NAV3: variants seen among roughly 807,000 people sequenced by gnomAD.
NAV3 encodes the protein pore membrane and/or filament interacting like protein 1.
NAV3 carries 87 observed loss-of-function variants against 244.7 expected under a neutral mutation model. The ratio of observed to expected loss-of-function variants is 0.36; its 90% CI spans 0.30 to 0.42. NAV3 has a LOEUF of 0.42. Among genes scored for constraint, NAV3 ranks in the 20% least tolerant of loss-of-function variants. The pLI is 1.00. For missense variants in NAV3, 2,663 were observed against 2,893.3 expected, an observed-to-expected ratio of 0.92 and a Z score of 1.83; for synonymous variants, 1,126 against 1,042.2, an observed-to-expected ratio of 1.08 and a Z score of -1.55.
intron 2 of NAV3, among the ~76,000 whole-genome samples, chr12:77,578,225 AG>A (rs1304920139): frequency 2.0e-5 from 3 of 152,106 alleles, no homozygotes; most frequent in Non-Finnish European, 4.4e-5. Flanking sequence ...GGAGCTTATA[AG>A]AAATACAAAA....
intron 2 of NAV3, among the ~76,000 whole-genome samples, chr12:77,684,457 G>T (rs918354877): frequency 6.6e-6 from 1 of 151,936 alleles, no homozygotes; most frequent in African/African-American, 2.4e-5. Flanking sequence ...GGCAAGCAGT[G>T]TCCAAATCCT....
chr12:77,681,969 A>G (rs1565769807), intron 2 of NAV3, among the ~76,000 whole-genome samples: 1 of 152,172 alleles, frequency 6.6e-6, no homozygotes, highest in Non-Finnish European at 1.5e-5. Context: ...ATTATCTTGC[A>G]TGTTAATTTT....
chr12:77,762,809 ATGT>A (rs1186130836), intron 2 of NAV3, among the ~76,000 whole-genome samples: 1 of 151,888 alleles, frequency 6.6e-6, no homozygotes, highest in East Asian at 1.9e-4. Flanking sequence ...AAAGGTAGTA[ATGT>A]TGTTACTACT....
At chr12:78,141,761 C>T (rs770381284) in intron 20 of NAV3, among the ~76,000 whole-genome samples, 1 of 151,986 alleles carries the variant, frequency 6.6e-6, no homozygotes, top group African/African-American at 2.4e-5. Flanking sequence ...TGTGTAAACA[C>T]ACATGAAAAA....
intron 22 of NAV3, among the ~76,000 whole-genome samples, chr12:78,154,324 G>C (rs526127): frequency 0.33 from 43,680 of 131,310 alleles, 7,751 homozygotes; most frequent in East Asian, 0.47. Context: ...TATATATATA[G>C]TATATATTAT....
At chr12:77,633,049 G>A (rs990658412) in intron 2 of NAV3, among the ~76,000 whole-genome samples, 1 of 151,932 alleles carries the variant, frequency 6.6e-6, no homozygotes, top group Non-Finnish European at 1.5e-5. Context: ...ATGAAAAAAT[G>A]TTTCTATTAG....
chr12:77,746,299 A>C (rs907368121), intron 2 of NAV3, among the ~76,000 whole-genome samples: 7 of 152,088 alleles, frequency 4.6e-5, no homozygotes, highest in African/African-American at 1.4e-4. Flanking sequence ...CAATACACAA[A>C]TGTATTAACA....
intron 23 of NAV3, among the ~76,000 whole-genome samples, chr12:78,164,443 A>T (rs1367923278): frequency 1.3e-5 from 2 of 152,066 alleles, no homozygotes; most frequent in Non-Finnish European, 2.9e-5. Context: ...AATCTTTGAA[A>T]ATAGATAATG....
intron 1 of NAV3, among the ~76,000 whole-genome samples, chr12:77,875,984 A>T (rs1881794509): frequency 6.6e-6 from 1 of 152,056 alleles, no homozygotes; most frequent in African/African-American, 2.4e-5. Context: ...GGCATAGGAT[A>T]GATAGAATGA....
chr12:77,993,142 A>G (rs1442025083), intron 5 of NAV3, among the ~76,000 whole-genome samples: 3 of 152,172 alleles, frequency 2.0e-5, no homozygotes, highest in African/African-American at 7.2e-5. Flanking sequence ...CTGTGCTAAG[A>G]TTTATATTAT....
intron 20 of NAV3, among the ~76,000 whole-genome samples, chr12:78,143,024 T>A (rs1328011058): frequency 6.6e-6 from 1 of 152,044 alleles, no homozygotes; most frequent in East Asian, 1.9e-4. Context: ...TAATTGGCAA[T>A]GAGAAAATAC....
intron 1 of NAV3, among the ~76,000 whole-genome samples, chr12:77,839,721 T>G (rs1421256812): frequency 6.6e-6 from 1 of 152,116 alleles, no homozygotes; most frequent in Non-Finnish European, 1.5e-5. Flanking sequence ...TAATTGGTAG[T>G]GGAATAGAGG....
chr12:77,943,616 A>G (rs1168979381), intron 3 of NAV3, among the ~76,000 whole-genome samples: 2 of 152,252 alleles, frequency 1.3e-5, no homozygotes, highest in African/African-American at 4.8e-5. Context: ...TTATGATAGC[A>G]TGACTAGGCT....
intron 2 of NAV3, among the ~76,000 whole-genome samples, chr12:77,808,579 A>C (rs1872109946): frequency 1.3e-5 from 2 of 152,192 alleles, no homozygotes; most frequent in African/African-American, 4.8e-5. Context: ...GCCAGATGCC[A>C]GCCAGAGCTC....
intron 1 of NAV3, among the ~76,000 whole-genome samples, chr12:77,907,526 C>T (rs1254518487): frequency 1.3e-5 from 2 of 152,034 alleles, no homozygotes; most frequent in Non-Finnish European, 2.9e-5. Flanking sequence ...CTATCTCTAT[C>T]ACATGAATGG....
chr12:77,857,620 T>TTA lies in NAV3; in HGVS notation c.243+25928_243+25929dup, dbSNP rs532311870. Reference sequence around the variant, plus strand: ...CTGAATTTTAAACCATTATCTGTAATTATATATATATATGACATTACTTTA... The same window carrying TTA: ...CTGAATTTTAAACCATTATCTGTAATTATATATATATATATGACATTACTTTA... On this transcript the variant is annotated intron_variant, in intron 1 of 39. Coordinates refer to ENST00000397909, the MANE Select transcript of NAV3 (RefSeq NM_001024383.2). Among the ~76,000 whole-genome samples the TTA allele has an allele frequency of 9.6e-3, 1,451 of 151,382 alleles. 18 individuals are homozygous for TTA. Among genetic ancestry groups the TTA allele is most frequent in the African/African-American group, 0.033 (1,355 of 41,402 alleles).
At chr12:78,038,743 T>G (rs1465813587) in intron 9 of NAV3, among the ~76,000 whole-genome samples, 1 of 152,192 alleles carries the variant, frequency 6.6e-6, no homozygotes, top group Admixed American at 6.5e-5. Context: ...AGCTTTTTCT[T>G]TTTTGGATCC....
chr12:78,002,959 C>G (rs1873561576), intron 7 of NAV3, among the ~76,000 whole-genome samples: 2 of 151,596 alleles, frequency 1.3e-5, no homozygotes, highest in East Asian at 2.0e-4. Context: ...GTATATATGC[C>G]TGTACATAAA....
intron 12 of NAV3, among the ~76,000 whole-genome samples, chr12:78,112,360 G>T (rs947090523): frequency 6.6e-6 from 1 of 152,090 alleles, no homozygotes; most frequent in African/African-American, 2.4e-5. Context: ...GGGTGGTAAA[G>T]GTCATTCTAT....
Sources: allele counts gnomAD v4.1 joint callset (sites outside exome capture counted in the v4.1 genomes callset), GRCh38; gene constraint gnomAD v4.1.1; transcripts MANE v1.5; gene names NCBI Gene and HGNC (gene_info 2026-07-23, HGNC 2026-07-21).